Variants in MYO5B observed in about 807,000 individuals in gnomAD.
The protein encoded by MYO5B is unconventional myosin-Vb.
A neutral mutation model predicts 229.3 loss-of-function variants in MYO5B; 143 were observed. The observed-to-expected ratio is 0.62, with a 90% CI of 0.54 to 0.72. The LOEUF (loss-of-function observed/expected upper bound fraction) is 0.72. Among genes scored for constraint, MYO5B ranks in the 30% least tolerant of loss-of-function variants. The pLI, the probability that MYO5B is intolerant of heterozygous loss-of-function variation, is 0.00. For synonymous variants in MYO5B, 918 were observed against 885.2 expected (o/e 1.04, Z -0.66); for missense variants, 2,321 against 2,331.0 (o/e 1.00, Z 0.09).
intron 17 of MYO5B, among the ~76,000 whole-genome samples, chr18:49,912,789 T>C (rs1455210775): frequency 1.3e-5 from 2 of 152,258 alleles, no homozygotes; most frequent in Non-Finnish European, 2.9e-5. Context: ...TATGTCTTTA[T>C]TAGCAGCATG....
chr18:49,903,088 G>A (rs1371665831), intron 20 of MYO5B, among the ~76,000 whole-genome samples: 1 of 152,104 alleles, frequency 6.6e-6, no homozygotes, highest in Non-Finnish European at 1.5e-5. Context: ...TTGTTTTATG[G>A]GTTAGGAAAC....
At chr18:50,002,911 C>G (rs1428835832) in intron 4 of MYO5B, among the ~76,000 whole-genome samples, 1 of 152,100 alleles carries the variant, frequency 6.6e-6, no homozygotes, top group Non-Finnish European at 1.5e-5. Context: ...AACAGAGAAG[C>G]ACCACAGGGG....
intron 1 of MYO5B, among the ~76,000 whole-genome samples, chr18:50,168,469 C>T (rs1185218092): frequency 6.6e-6 from 1 of 152,250 alleles, no homozygotes; most frequent in Non-Finnish European, 1.5e-5. Context: ...GGAACAGCTG[C>T]CCCTGTCAGG....
chr18:50,128,592 G>A (rs928550882), intron 1 of MYO5B, among the ~76,000 whole-genome samples: 7 of 152,152 alleles, frequency 4.6e-5, no homozygotes, highest in Non-Finnish European at 7.4e-5. Context: ...CGTGCCTTGA[G>A]AACAGAGGAC....
chr18:50,152,864 TAA>T (rs67858852), intron 1 of MYO5B, among the ~76,000 whole-genome samples: 50,302 of 125,714 alleles, frequency 0.4, 9,796 homozygotes, highest in Admixed American at 0.55. Context: ...TTCTCAAAAC[TAA>T]AAAAAAAAAA....
rs150819328 is a variant in MYO5B at position 50,008,498 on chromosome 18, T to C, written c.456-7087A>G. Among the ~76,000 whole-genome samples, 214 of 152,312 alleles carry C rather than the reference T, an allele frequency of 1.4e-3. 2 individuals are homozygous for C. The highest frequency in any genetic ancestry group is 5.0e-3 in the African/African-American group (208 of 41,578). Reference sequence around the variant, plus strand: ...CCTGCAAACTTTGTCGTCCCTGCCCTATGCTCAGCCTTCCATGATTCACCC... The same window carrying C: ...CCTGCAAACTTTGTCGTCCCTGCCCCATGCTCAGCCTTCCATGATTCACCC... On this transcript the variant is annotated intron_variant, in intron 4 of 39. Transcript: ENST00000285039.
At chr18:50,090,597 T>C (rs2144487579) in intron 1 of MYO5B, among the ~76,000 whole-genome samples, 1 of 152,308 alleles carries the variant, frequency 6.6e-6, no homozygotes, top group South Asian at 2.1e-4. Context: ...TGCTCCTATT[T>C]CTACTGTGGC....
At chr18:49,931,521 A>C (rs1399178033) in intron 16 of MYO5B, among the ~76,000 whole-genome samples, 1 of 152,222 alleles carries the variant, frequency 6.6e-6, no homozygotes, top group Non-Finnish European at 1.5e-5. Context: ...CATCTTTCTA[A>C]CTAGAGTAAA....
At chr18:50,030,190 T>C (rs2001371) in intron 4 of MYO5B, among the ~76,000 whole-genome samples, 4,113 of 152,306 alleles carry the variant, frequency 0.027, 71 homozygotes, top group Non-Finnish European at 0.042. Flanking sequence ...TCCCAGAGCA[T>C]TCCATCCCCA....
At chr18:50,054,806 A>G (rs1179926855) in intron 2 of MYO5B, among the ~76,000 whole-genome samples, 2 of 152,220 alleles carry the variant, frequency 1.3e-5, no homozygotes, top group Non-Finnish European at 2.9e-5. Context: ...TAGATAAACT[A>G]GCACTCCCAT....
chr18:50,129,280 C>T (rs954586318), intron 1 of MYO5B, among the ~76,000 whole-genome samples: 1 of 152,218 alleles, frequency 6.6e-6, no homozygotes, highest in Non-Finnish European at 1.5e-5. Flanking sequence ...AAATGCTGTC[C>T]ACACAGCACA....
intron 1 of MYO5B, among the ~76,000 whole-genome samples, chr18:50,152,085 C>T (rs978467643): frequency 1.3e-5 from 2 of 152,178 alleles, no homozygotes; most frequent in Admixed American, 1.3e-4. Context: ...AGATTAAATC[C>T]TCTCTGGACC....
chr18:49,901,425 G>A (rs940545428), intron 21 of MYO5B, among the ~76,000 whole-genome samples: 1 of 152,224 alleles, frequency 6.6e-6, no homozygotes, highest in Non-Finnish European at 1.5e-5. Flanking sequence ...CCCCTACAGG[G>A]ATATTTAATC....
At chr18:49,949,865 C>G (rs2025414170) in intron 14 of MYO5B, among the ~76,000 whole-genome samples, 1 of 152,024 alleles carries the variant, frequency 6.6e-6, no homozygotes, top group Admixed American at 6.5e-5. Context: ...CCTCATAGGG[C>G]TACTATGAAA....
chr18:50,079,692 G>A (rs560344595), intron 1 of MYO5B, among the ~76,000 whole-genome samples: 9 of 152,032 alleles, frequency 5.9e-5, no homozygotes, highest in Non-Finnish European at 8.8e-5. Context: ...CAGGTCTCAA[G>A]GGAGCTGGCA....
At chr18:50,066,794 A>C in intron 1 of MYO5B, among the ~76,000 whole-genome samples, 1 of 152,196 alleles carries the variant, frequency 6.6e-6, no homozygotes, top group Admixed American at 6.5e-5. Context: ...TGAATTACTG[A>C]GCAGACACTA....
At chr18:50,132,136 A>G (rs894935798) in intron 1 of MYO5B, among the ~76,000 whole-genome samples, 3 of 152,230 alleles carry the variant, frequency 2.0e-5, no homozygotes, top group Admixed American at 6.5e-5. Flanking sequence ...TTTAAGAATA[A>G]AATCAAGAAC....
chr18:50,144,352 GA>G (rs955082812), intron 1 of MYO5B, among the ~76,000 whole-genome samples: 11 of 152,058 alleles, frequency 7.2e-5, no homozygotes, highest in Non-Finnish European at 1.5e-4. Context: ...TGATCCCTCT[GA>G]AAAAAAGTCT....
chr18:50,039,042 A>T (rs868043635), intron 3 of MYO5B, among the ~76,000 whole-genome samples: 3 of 152,242 alleles, frequency 2.0e-5, no homozygotes, highest in Non-Finnish European at 2.9e-5. Flanking sequence ...TTCCAAACCA[A>T]AGTGGAATAT....
Sources: gnomAD v4.1 joint callset for allele counts (sites outside exome capture counted in the v4.1 genomes callset) on GRCh38, gnomAD v4.1.1 for gene constraint, MANE v1.5 for transcripts, NCBI Gene and HGNC (gene_info 2026-07-23, HGNC 2026-07-21) for gene names.